The following TMEM65 variants were observed in gnomAD, a reference collection of about 807,000 sequenced individuals.
TMEM65 encodes transmembrane protein 65.
TMEM65 carries 22 observed loss-of-function variants against 25.4 expected under a neutral mutation model. That is an observed-to-expected ratio of 0.86 (90% confidence interval 0.62 to 1.23). The LOEUF (loss-of-function observed/expected upper bound fraction) is 1.23. Among genes scored for constraint, TMEM65 ranks in the 50% most tolerant of loss-of-function variants. The pLI, the probability that TMEM65 is intolerant of heterozygous loss-of-function variation, is 0.00. For synonymous variants in TMEM65, 132 were observed against 126.2 expected (o/e 1.05, Z -0.31); for missense variants, 262 against 308.2 (o/e 0.85, Z 1.12).
intron 1 of TMEM65, among the ~76,000 whole-genome samples, chr8:124,357,806 TA>T (rs33948889): frequency 0.53 from 72,794 of 136,840 alleles, 19,174 homozygotes; most frequent in African/African-American, 0.65. Context: ...CCTTTTTTTT[TA>T]TATATATTTT....
At chr8:124,359,512 C>T (rs970610986) in intron 1 of TMEM65, among the ~76,000 whole-genome samples, 5 of 152,108 alleles carry the variant, frequency 3.3e-5, no homozygotes, top group South Asian at 2.1e-4. Flanking sequence ...GAGACCATGG[C>T]AGGCAGATCC....
In TMEM65 at chr8:124,335,756, G is replaced by A. The variant is rs151135776; in HGVS notation, c.305-4964C>T. Reference sequence around the variant, plus strand: ...GAGAACATAGTTAAGAACCTAATAAGTAACTTGAAGGAGAATCTGAAGGAA... The same window carrying A: ...GAGAACATAGTTAAGAACCTAATAAATAACTTGAAGGAGAATCTGAAGGAA... On this transcript the variant is annotated intron_variant, in intron 1 of 6. Coordinates refer to ENST00000297632, the MANE Select transcript of TMEM65 (RefSeq NM_194291.3). Among the ~76,000 whole-genome samples the A allele has an allele frequency of 3.4e-4, 51 of 152,026 alleles. No homozygotes were observed. The East Asian group carries it at 9.6e-3, about 29-fold the overall frequency.
intron 1 of TMEM65, among the ~76,000 whole-genome samples, chr8:124,351,899 T>A (rs1276673797): frequency 6.6e-6 from 1 of 152,252 alleles, no homozygotes; most frequent in Non-Finnish European, 1.5e-5. Context: ...CACTTCAGCA[T>A]TTTCACTTTT....
intron 1 of TMEM65, among the ~76,000 whole-genome samples, chr8:124,355,990 G>C (rs1586471591): frequency 6.6e-6 from 1 of 152,134 alleles, no homozygotes; most frequent in East Asian, 1.9e-4. Context: ...AAAAAGACAA[G>C]AAAGCCCTAA....
chr8:124,365,074 C>A (rs536844101), intron 1 of TMEM65, among the ~76,000 whole-genome samples: 4 of 152,240 alleles, frequency 2.6e-5, no homozygotes, highest in East Asian at 3.9e-4. Context: ...TCCACCTGAC[C>A]CTCTGGATGA....
chr8:124,323,207 A>G, intron 4 of TMEM65, 114 bp downstream of exon 4: 3 of 579,676 alleles, frequency 5.2e-6, no homozygotes, highest in Non-Finnish European at 8.9e-6. Context: ...AAGAAAATTA[A>G]CAGATATCTC....
chr8:124,317,798 TC>T (rs1416619580), intron 6 of TMEM65, among the ~76,000 whole-genome samples: 1 of 152,148 alleles, frequency 6.6e-6, no homozygotes, highest in African/African-American at 2.4e-5. Context: ...GCAGACTCAT[TC>T]CCTTTCTCCC....
At chr8:124,333,305 CAGA>C (rs1230742401) in intron 1 of TMEM65, among the ~76,000 whole-genome samples, 2 of 151,886 alleles carry the variant, frequency 1.3e-5, no homozygotes, top group African/African-American at 4.8e-5. Flanking sequence ...CAATACATCC[CAGA>C]AGGTTTATTT....
At chr8:124,361,888 G>A (rs563522174) in intron 1 of TMEM65, among the ~76,000 whole-genome samples, 3 of 151,638 alleles carry the variant, frequency 2.0e-5, no homozygotes, top group East Asian at 1.9e-4. Context: ...TTTTTTTGTC[G>A]GTTTTTTGGA....
At chr8:124,327,229 A>T in intron 3 of TMEM65, 125 bp downstream of exon 3, 1 of 656,950 alleles carries the variant, frequency 1.5e-6, no homozygotes, top group South Asian at 1.9e-5. Context: ...TCTGAGATAT[A>T]GTAAAAAATA....
intron 1 of TMEM65, among the ~76,000 whole-genome samples, chr8:124,352,670 T>C (rs1457989065): frequency 6.6e-6 from 1 of 152,058 alleles, no homozygotes; most frequent in Non-Finnish European, 1.5e-5. Flanking sequence ...GGATTTCTCT[T>C]CCCTCTCCCA....
chr8:124,338,717 A>T (rs1814542925), intron 1 of TMEM65, among the ~76,000 whole-genome samples: 1 of 152,216 alleles, frequency 6.6e-6, no homozygotes, highest in Non-Finnish European at 1.5e-5. Flanking sequence ...TCTTTATAAA[A>T]AACCTTCAGT....
intron 1 of TMEM65, among the ~76,000 whole-genome samples, chr8:124,358,905 G>A (rs1814821371): frequency 6.6e-6 from 1 of 152,168 alleles, no homozygotes; most frequent in South Asian, 2.1e-4. Context: ...CTCCATGGAT[G>A]TATGTTTTGA....
At position 124,312,833 on chromosome 8, in the gene TMEM65, C is replaced by G. The variant is rs1261777522; in HGVS notation, c.*1127G>C. The G allele has an allele frequency of 6.6e-6, 1 of 151,532 alleles. No individual in the cohort carries two copies. The highest frequency in any genetic ancestry group is 2.4e-5 in the African/African-American group (1 of 41,312). The allele number at this position is 151,532 out of a possible 1,614,324, so 9.4% of individuals were successfully genotyped here. A position where few individuals can be genotyped will look rare whatever the true frequency, so the allele number is the denominator to read the frequency against. On this transcript the variant is annotated 3_prime_UTR_variant, in exon 7 of 7. Transcript: ENST00000297632. The stretch of plus-strand genomic sequence containing the variant: ...TTGAGTAGACTATGTAGCAAAAAAG[C>G]AAAATATTAAATATCTAGTTTTCAC...
chr8:124,313,830 T>C lies in TMEM65; in HGVS notation c.*130A>G. ...ATCAAGCCACAATAAGTTAGTGTTT[T>C]CCATAATACATGCTAAATTATTTGA... On this transcript the variant is annotated 3_prime_UTR_variant, in exon 7 of 7. Transcript: ENST00000297632. The C allele has an allele frequency of 3.1e-6, 2 of 649,206 alleles. No individual in the cohort carries two copies. The highest frequency in any genetic ancestry group is 5.2e-6 in the Non-Finnish European group (2 of 381,352). The allele number at this position is 649,206 out of a possible 1,614,324, so 40.2% of individuals were successfully genotyped here. A position where few individuals can be genotyped will look rare whatever the true frequency, so the allele number is the denominator to read the frequency against.
At chr8:124,360,950 G>GT (rs748018296) in intron 1 of TMEM65, among the ~76,000 whole-genome samples, 25 of 152,308 alleles carry the variant, frequency 1.6e-4, no homozygotes, top group Non-Finnish European at 2.9e-4. Context: ...ACTGGCTTCT[G>GT]AATTGTCAGT....
At chr8:124,369,774 A>T (rs999963713) in intron 1 of TMEM65, among the ~76,000 whole-genome samples, 1 of 152,228 alleles carries the variant, frequency 6.6e-6, no homozygotes, top group Non-Finnish European at 1.5e-5. Flanking sequence ...AGTTATCTCC[A>T]TAACTATATG....
At chr8:124,360,503 T>G (rs1814846035) in intron 1 of TMEM65, among the ~76,000 whole-genome samples, 1 of 151,814 alleles carries the variant, frequency 6.6e-6, no homozygotes, top group Non-Finnish European at 1.5e-5. Flanking sequence ...GAGGGAGAAC[T>G]GAGTCACTAG....
intron 3 of TMEM65, among the ~76,000 whole-genome samples, chr8:124,326,003 C>T (rs575630274): frequency 6.6e-6 from 1 of 152,090 alleles, no homozygotes; most frequent in East Asian, 1.9e-4. Flanking sequence ...GTATATTTTC[C>T]TCACATTCAA....
Sources: gnomAD v4.1 joint callset for allele counts (sites outside exome capture counted in the v4.1 genomes callset) on GRCh38, gnomAD v4.1.1 for gene constraint, MANE v1.5 for transcripts, NCBI Gene and HGNC (gene_info 2026-07-23, HGNC 2026-07-21) for gene names.